Variants in PPARGC1A observed in about 807,000 individuals in gnomAD.
PPARGC1A encodes PPARG coactivator 1 alpha.
In PPARGC1A, 25 loss-of-function variants were observed where a neutral mutation model predicts 88.7. The observed-to-expected ratio is 0.28, with a 90% CI of 0.21 to 0.39. The LOEUF (loss-of-function observed/expected upper bound fraction) is 0.39. Ranked by LOEUF, PPARGC1A falls within the 10% of genes least tolerant of loss-of-function variation. The pLI is 1.00. For synonymous variants in PPARGC1A, 363 were observed against 355.6 expected, an observed-to-expected ratio of 1.02 and a Z score of -0.24; for missense variants, 880 against 968.7, an observed-to-expected ratio of 0.91 and a Z score of 1.22.
In PPARGC1A at chr4:23,897,785, G is replaced by T. The variant is rs534428941; in HGVS notation, n.52+1482C>A. ...CAACCACAGGTATTGGCTCTGAGAA[G>T]ATCAGCTTCTTAGAGACCAGCATTT... On this transcript the variant is annotated intron_variant and non_coding_transcript_variant, in intron 1 of 3. Coordinates refer to the PPARGC1A transcript ENST00000507342. Among the ~76,000 whole-genome samples the T allele has an allele frequency of 7.5e-4, 115 of 152,346 alleles. 1 individual carries two copies. Among genetic ancestry groups the T allele is most frequent in the African/African-American group, 2.4e-3 (101 of 41,586 alleles).
the PPARGC1A span, among the ~76,000 whole-genome samples, chr4:23,986,959 C>T: frequency 5.9e-5 from 9 of 152,120 alleles, no homozygotes; most frequent in East Asian, 3.9e-4. Flanking sequence ...AATTACACTT[C>T]GTTTATTTCA....
chr4:24,023,795 A>G, the PPARGC1A span, among the ~76,000 whole-genome samples: 3 of 151,822 alleles, frequency 2.0e-5, no homozygotes, highest in African/African-American at 7.3e-5. Flanking sequence ...ATAACCCCCA[A>G]ACACTGGAAT....
the PPARGC1A span, among the ~76,000 whole-genome samples, chr4:24,022,624 C>T: frequency 1.3e-5 from 2 of 152,242 alleles, no homozygotes; most frequent in African/African-American, 4.8e-5. Flanking sequence ...AGGAGCAGGG[C>T]CTCCCTCCCT....
At chr4:24,413,690 G>A in the PPARGC1A span, among the ~76,000 whole-genome samples, 13 of 152,162 alleles carry the variant, frequency 8.5e-5, no homozygotes, top group Admixed American at 8.5e-4. Flanking sequence ...TCTTTCCGCT[G>A]CTGGCTTCGC....
chr4:24,434,127 G>A, the PPARGC1A span, among the ~76,000 whole-genome samples: 1 of 152,194 alleles, frequency 6.6e-6, no homozygotes, highest in Non-Finnish European at 1.5e-5. Context: ...AGAAAGAAAG[G>A]AAAGAAGGAA....
chr4:23,984,563 A>C, the PPARGC1A span, among the ~76,000 whole-genome samples: 1 of 152,144 alleles, frequency 6.6e-6, no homozygotes, highest in Non-Finnish European at 1.5e-5. Context: ...GCTTTAAAAA[A>C]AGTCTTAGGG....
chr4:24,279,554 A>G, the PPARGC1A span, among the ~76,000 whole-genome samples: 3 of 152,168 alleles, frequency 2.0e-5, no homozygotes, highest in African/African-American at 7.2e-5. Flanking sequence ...CAAACCAAAA[A>G]AAGTAAAATC....
the PPARGC1A span, among the ~76,000 whole-genome samples, chr4:23,970,077 C>T: frequency 2.0e-5 from 3 of 152,144 alleles, no homozygotes; most frequent in African/African-American, 7.2e-5. Context: ...TATGACTACC[C>T]CATCCCTGAT....
At chr4:23,864,625 A>T (rs552721135) in intron 2 of PPARGC1A, among the ~76,000 whole-genome samples, 1 of 152,226 alleles carries the variant, frequency 6.6e-6, no homozygotes, top group Non-Finnish European at 1.5e-5. Flanking sequence ...CAGACTGTAC[A>T]TGGAGAACAA....
the PPARGC1A span, among the ~76,000 whole-genome samples, chr4:24,155,135 T>A: frequency 1.4e-3 from 214 of 151,360 alleles, no homozygotes; most frequent in African/African-American, 5.1e-3. Flanking sequence ...TTTTTTTTTT[T>A]ATCTATAGGT....
At chr4:23,918,373 C>T in the PPARGC1A span, among the ~76,000 whole-genome samples, 1 of 151,872 alleles carries the variant, frequency 6.6e-6, no homozygotes, top group East Asian at 1.9e-4. Flanking sequence ...AGGTGCCAGC[C>T]GTCATGCCCA....
intron 2 of PPARGC1A, among the ~76,000 whole-genome samples, chr4:23,854,349 G>T (rs1219941245): frequency 6.6e-6 from 1 of 152,190 alleles, no homozygotes; most frequent in African/African-American, 2.4e-5. Context: ...AACAATTTCA[G>T]AAAAGGCCTC....
intron 12 of PPARGC1A, among the ~76,000 whole-genome samples, chr4:23,801,327 CACAT>C (rs1474838387): frequency 1.3e-5 from 2 of 151,960 alleles, no homozygotes; most frequent in Non-Finnish European, 2.9e-5. Flanking sequence ...CAATACTACA[CACAT>C]ACATGTTTAA....
the PPARGC1A span, among the ~76,000 whole-genome samples, chr4:24,220,025 A>G: frequency 6.6e-6 from 1 of 152,226 alleles, no homozygotes; most frequent in Non-Finnish European, 1.5e-5. Flanking sequence ...TAAACAAATC[A>G]GCAAGAAAAA....
the PPARGC1A span, among the ~76,000 whole-genome samples, chr4:24,139,734 G>A: frequency 2.0e-4 from 31 of 152,046 alleles, no homozygotes; most frequent in East Asian, 4.8e-3. Context: ...TACTTCCTTC[G>A]CACATATTAA....
the PPARGC1A span, among the ~76,000 whole-genome samples, chr4:24,436,246 T>A: frequency 6.6e-6 from 1 of 152,214 alleles, no homozygotes; most frequent in Non-Finnish European, 1.5e-5. Context: ...AATGTATAAA[T>A]TTGACACCAA....
At chr4:23,831,112 C>A (rs1005277975) in intron 3 of PPARGC1A, among the ~76,000 whole-genome samples, 1 of 152,060 alleles carries the variant, frequency 6.6e-6, no homozygotes, top group Non-Finnish European at 1.5e-5. Flanking sequence ...TATTTCCATA[C>A]AATAAAATAC....
the PPARGC1A span, among the ~76,000 whole-genome samples, chr4:24,400,438 T>G: frequency 1.3e-5 from 2 of 152,238 alleles, no homozygotes; most frequent in African/African-American, 2.4e-5. Context: ...TCTTCAGTTT[T>G]GGGACTCAGA....
chr4:24,191,708 C>T, the PPARGC1A span, among the ~76,000 whole-genome samples: 48 of 152,274 alleles, frequency 3.2e-4, no homozygotes, highest in African/African-American at 1.1e-3. Flanking sequence ...AATTTCATCT[C>T]GCAGAGGAGG....
Sources: allele counts gnomAD v4.1 joint callset (sites outside exome capture counted in the v4.1 genomes callset), GRCh38; gene constraint gnomAD v4.1.1; transcripts MANE v1.5; gene names NCBI Gene and HGNC (gene_info 2026-07-23, HGNC 2026-07-21).